Variants in SIAH3 observed in about 807,000 individuals in gnomAD.
SIAH3 encodes seven in absentia homolog 3.
In SIAH3, 9 loss-of-function variants were observed where a neutral mutation model predicts 12.6. The observed-to-expected ratio is 0.72, with a 90% CI of 0.43 to 1.25. The LOEUF (loss-of-function observed/expected upper bound fraction) is 1.25. Ranked by LOEUF, SIAH3 falls within the 50% of genes most tolerant of loss-of-function variation. The probability of loss-of-function intolerance (pLI) is 0.00; values close to 1 mark genes in which losing one functional copy is unlikely to be tolerated. For synonymous variants in SIAH3, 154 were observed against 151.1 expected (o/e 1.02, Z -0.14); for missense variants, 390 against 365.4 (o/e 1.07, Z -0.55).
chr13:45,834,293 CATT>C (rs1950710414), intron 1 of SIAH3, among the ~76,000 whole-genome samples: 1 of 152,196 alleles, frequency 6.6e-6, no homozygotes, highest in Non-Finnish European at 1.5e-5. Context: ...TTTTCATCAT[CATT>C]GAGTTATCAG....
chr13:45,832,282 G>A (rs1391807076), intron 1 of SIAH3, among the ~76,000 whole-genome samples: 1 of 152,108 alleles, frequency 6.6e-6, no homozygotes, highest in Non-Finnish European at 1.5e-5. Context: ...TGTGACCATC[G>A]CCACTATCTA....
chr13:45,795,942 CA>C (rs1950561007), intron 1 of SIAH3, among the ~76,000 whole-genome samples: 1 of 151,722 alleles, frequency 6.6e-6, no homozygotes, highest in African/African-American at 2.4e-5. Flanking sequence ...ATCTCAAAAA[CA>C]TGTTGAATTT....
chr13:45,834,394 C>G lies in SIAH3; in HGVS notation c.135+17101G>C, dbSNP rs17067266. Among the ~76,000 whole-genome samples the G allele has an allele frequency of 6.1e-3, 936 of 152,254 alleles. 11 individuals carry two copies. Among genetic ancestry groups the G allele is most frequent in the African/African-American group, 0.022 (901 of 41,544 alleles). On this transcript the variant is annotated intron_variant, in intron 1 of 1. Coordinates refer to ENST00000400405, the MANE Select transcript of SIAH3 (RefSeq NM_198849.3). Reference sequence around the variant, plus strand: ...ACCTGCTTACTGACATCGATGGGCTCCCTGGGACTTTCTCTTCTTGCTTGG... The same window carrying G: ...ACCTGCTTACTGACATCGATGGGCTGCCTGGGACTTTCTCTTCTTGCTTGG...
intron 1 of SIAH3, among the ~76,000 whole-genome samples, chr13:45,842,732 G>A (rs1006156056): frequency 5.3e-5 from 8 of 152,104 alleles, no homozygotes. Flanking sequence ...TATTATCCAA[G>A]GAATGCAACA....
At chr13:45,791,126 T>G (rs966267881) in intron 1 of SIAH3, among the ~76,000 whole-genome samples, 1 of 151,256 alleles carries the variant, frequency 6.6e-6, no homozygotes, top group Non-Finnish European at 1.5e-5. Context: ...ATCATGCCAC[T>G]GCACTCCAGC....
intron 1 of SIAH3, among the ~76,000 whole-genome samples, chr13:45,832,365 C>T (rs961209990): frequency 6.6e-6 from 1 of 152,224 alleles, no homozygotes; most frequent in Non-Finnish European, 1.5e-5. Context: ...CCAATTCCCT[C>T]ATCCCTGGTA....
At chr13:45,793,685 C>T (rs1566087901) in intron 1 of SIAH3, among the ~76,000 whole-genome samples, 1 of 152,104 alleles carries the variant, frequency 6.6e-6, no homozygotes, top group South Asian at 2.1e-4. Flanking sequence ...TCAACCGCTT[C>T]TCTTCATCTG....
intron 1 of SIAH3, among the ~76,000 whole-genome samples, chr13:45,803,256 A>T (rs1370274307): frequency 6.6e-6 from 1 of 152,190 alleles, no homozygotes; most frequent in African/African-American, 2.4e-5. Context: ...GAGTATATGG[A>T]TTTAGTTTTA....
chr13:45,791,758 C>T (rs1221486231), intron 1 of SIAH3, among the ~76,000 whole-genome samples: 2 of 152,216 alleles, frequency 1.3e-5, no homozygotes, highest in African/African-American at 2.4e-5. Context: ...CAGGCATTCT[C>T]TTTTTCAGTA....
At chr13:45,814,462 G>C (rs568650324) in intron 1 of SIAH3, among the ~76,000 whole-genome samples, 5 of 152,106 alleles carry the variant, frequency 3.3e-5, no homozygotes, top group African/African-American at 9.6e-5. Flanking sequence ...ATCATGGAAG[G>C]CTTCTTAGAA....
chr13:45,814,732 C>CTTTTTTTTTTTTTTTTTTTT (rs11386908), intron 1 of SIAH3, among the ~76,000 whole-genome samples: 6 of 146,722 alleles, frequency 4.1e-5, no homozygotes, highest in African/African-American at 1.3e-4. Flanking sequence ...TTTGCCATTA[C>CTTTTTTTTTTTTTTTTTTTT]TTTTTTTTTT....
chr13:45,820,104 C>A (rs986168615), intron 1 of SIAH3, among the ~76,000 whole-genome samples: 1 of 152,208 alleles, frequency 6.6e-6, no homozygotes, highest in Non-Finnish European at 1.5e-5. Flanking sequence ...AGGGAGGAAT[C>A]CGCACGACTT....
chr13:45,849,854 CA>C (rs1950773308), intron 1 of SIAH3, among the ~76,000 whole-genome samples: 1 of 152,090 alleles, frequency 6.6e-6, no homozygotes, highest in African/African-American at 2.4e-5. Flanking sequence ...AAATACAAAA[CA>C]GAAGTAAACA....
chr13:45,843,851 A>G (rs1950749361), intron 1 of SIAH3, among the ~76,000 whole-genome samples: 1 of 152,188 alleles, frequency 6.6e-6, no homozygotes, highest in African/African-American at 2.4e-5. Context: ...GACCATGCTA[A>G]CAATTGGTGC....
intron 1 of SIAH3, among the ~76,000 whole-genome samples, chr13:45,795,007 C>A (rs1236318465): frequency 2.0e-5 from 3 of 148,688 alleles, no homozygotes; most frequent in African/African-American, 7.5e-5. Context: ...CATTATATTT[C>A]ATTTTATCTC....
chr13:45,804,460 T>C (rs1486654528), intron 1 of SIAH3, among the ~76,000 whole-genome samples: 3 of 152,122 alleles, frequency 2.0e-5, no homozygotes, highest in Non-Finnish European at 4.4e-5. Flanking sequence ...GGGATTTCTT[T>C]TGGGGTGTTG....
rs147290793 is a variant in SIAH3 at position 45,815,278 on chromosome 13, T to C, written c.136-31221A>G. On this transcript the variant is annotated intron_variant, in intron 1 of 1. Transcript: ENST00000400405. ...TAGATGAGGTGAACATTTAAGTCAG[T>C]AAGACTTTGAGTGAGGCAGATGGCC... 5.4e-3 allele frequency among the ~76,000 whole-genome samples: 824 copies of C among 152,040 alleles called. 6 individuals are homozygous for C. The highest frequency in any genetic ancestry group is 0.019 in the African/African-American group (787 of 41,438).
chr13:45,837,604 A>AGAGG (rs1191954664), intron 1 of SIAH3, among the ~76,000 whole-genome samples: 5 of 115,036 alleles, frequency 4.3e-5, no homozygotes, highest in South Asian at 2.9e-4. Flanking sequence ...AGGGAGGGAC[A>AGAGG]GAGGGAGGGA....
chr13:45,818,747 A>C (rs1216442909), intron 1 of SIAH3, among the ~76,000 whole-genome samples: 5 of 152,272 alleles, frequency 3.3e-5, no homozygotes, highest in Non-Finnish European at 7.3e-5. Context: ...GCCCACCCAG[A>C]TAATCCAAGA....
Sources: allele counts gnomAD v4.1 joint callset (sites outside exome capture counted in the v4.1 genomes callset), GRCh38; gene constraint gnomAD v4.1.1; transcripts MANE v1.5; gene names NCBI Gene and HGNC (gene_info 2026-07-23, HGNC 2026-07-21).